Variants in IGF2BP3 observed in about 807,000 individuals in gnomAD.
The protein encoded by IGF2BP3 is insulin-like growth factor 2 mRNA-binding protein 3.
IGF2BP3 carries 9 observed loss-of-function variants against 73.8 expected under a neutral mutation model. That is an observed-to-expected ratio of 0.12 (90% CI 0.07 to 0.21). The LOEUF (loss-of-function observed/expected upper bound fraction) is 0.21, where lower values mean the gene tolerates loss of function less well. IGF2BP3 is among the 10% of genes least tolerant of loss of function. The pLI is 1.00. For synonymous variants in IGF2BP3, 258 were observed against 256.7 expected (o/e 1.01, Z -0.05); for missense variants, 542 against 714.0 (o/e 0.76, Z 2.75).
At chr7:23,390,831 C>G (rs1261882824) in intron 3 of IGF2BP3, among the ~76,000 whole-genome samples, 1 of 149,024 alleles carries the variant, frequency 6.7e-6, no homozygotes, top group Non-Finnish European at 1.5e-5. Context: ...CAGAGTCTCG[C>G]TCTGTTGCCC....
intron 3 of IGF2BP3, among the ~76,000 whole-genome samples, chr7:23,389,902 G>C (rs1786216883): frequency 6.6e-6 from 1 of 151,946 alleles, no homozygotes; most frequent in Non-Finnish European, 1.5e-5. Context: ...TGGGAGACTG[G>C]GAGGTCAAGG....
chr7:23,317,114 A>G (rs1034950104), intron 12 of IGF2BP3, among the ~76,000 whole-genome samples: 2 of 152,210 alleles, frequency 1.3e-5, no homozygotes, highest in Non-Finnish European at 2.9e-5. Context: ...CTGCAGCCCC[A>G]AAGACCTCAA....
intron 3 of IGF2BP3, among the ~76,000 whole-genome samples, chr7:23,404,763 GTGGGGGTGGGGA>G (rs1786776636): frequency 6.6e-6 from 1 of 151,296 alleles, no homozygotes; most frequent in Non-Finnish European, 1.5e-5. Context: ...CAAGTGGGGG[GTGGGGGTGGGGA>G]TGGCCTTAGT....
chr7:23,418,071 T>C (rs1182037081), intron 3 of IGF2BP3, among the ~76,000 whole-genome samples: 1 of 152,198 alleles, frequency 6.6e-6, no homozygotes, highest in Non-Finnish European at 1.5e-5. Flanking sequence ...CAAATGTCAT[T>C]TTAGAAGACT....
intron 3 of IGF2BP3, among the ~76,000 whole-genome samples, chr7:23,394,359 C>T (rs1466280995): frequency 6.6e-6 from 1 of 151,986 alleles, no homozygotes; most frequent in Non-Finnish European, 1.5e-5. Context: ...CCCAGCTACT[C>T]GGGAAGCTGA....
intron 7 of IGF2BP3, 22 bp downstream of exon 7, chr7:23,347,578 C>A: frequency 6.2e-7 from 1 of 1,604,864 alleles, no homozygotes; most frequent in Non-Finnish European, 8.5e-7. Context: ...ACCTCTTTCA[C>A]AGGACAATCT....
chr7:23,462,405 A>C (rs1247770252), intron 2 of IGF2BP3, among the ~76,000 whole-genome samples: 1 of 149,170 alleles, frequency 6.7e-6, no homozygotes, highest in Non-Finnish European at 1.5e-5. Flanking sequence ...TCTGTCACCC[A>C]GGCTGGAGTG....
intron 9 of IGF2BP3, among the ~76,000 whole-genome samples, chr7:23,342,533 T>C (rs116359805): frequency 1.3e-5 from 2 of 152,088 alleles, no homozygotes. Flanking sequence ...AAGCAATGTA[T>C]CAGAGTTGAA....
At chr7:23,429,511 A>G (rs1471756818) in intron 2 of IGF2BP3, among the ~76,000 whole-genome samples, 2 of 152,210 alleles carry the variant, frequency 1.3e-5, no homozygotes, top group African/African-American at 4.8e-5. Flanking sequence ...TTTCACTTAT[A>G]ATCCAACCAA....
intron 2 of IGF2BP3, among the ~76,000 whole-genome samples, chr7:23,459,512 T>A (rs1170416734): frequency 6.6e-6 from 1 of 152,178 alleles, no homozygotes; most frequent in Non-Finnish European, 1.5e-5. Flanking sequence ...GCTTGTCAAA[T>A]CACGCATTTA....
rs1487894155 is a variant in IGF2BP3 at position 23,442,732 on chromosome 7, A to G, written c.237-23908T>C. Among the ~76,000 whole-genome samples, 13 of 152,250 alleles carry G rather than the reference A, an allele frequency of 8.5e-5. No individual in the cohort carries two copies. In the East Asian group the frequency reaches 2.3e-3, roughly 27 times the overall value. ...CATTTTTAAAATAACAAGAAATAAC[A>G]TATTATAATCAGACTTTGCATATAC... On this transcript the variant is annotated intron_variant, in intron 2 of 14. Coordinates refer to ENST00000258729, the MANE Select transcript of IGF2BP3 (RefSeq NM_006547.3).
intron 3 of IGF2BP3, among the ~76,000 whole-genome samples, chr7:23,402,948 T>C (rs939018784): frequency 6.6e-6 from 1 of 152,220 alleles, no homozygotes; most frequent in Admixed American, 6.5e-5. Flanking sequence ...AAGAGTCTTT[T>C]ACTAATATTT....
chr7:23,385,159 G>A (rs1786042366), intron 3 of IGF2BP3, among the ~76,000 whole-genome samples: 1 of 152,092 alleles, frequency 6.6e-6, no homozygotes, highest in South Asian at 2.1e-4. Context: ...TGACCTTTTT[G>A]CCTCCCTTTA....
At chr7:23,394,365 G>A (rs1786381660) in intron 3 of IGF2BP3, among the ~76,000 whole-genome samples, 1 of 152,170 alleles carries the variant, frequency 6.6e-6, no homozygotes, top group South Asian at 2.1e-4. Flanking sequence ...TACTCGGGAA[G>A]CTGAGGTAGC....
chr7:23,337,167 C>A (rs961884342), intron 10 of IGF2BP3, among the ~76,000 whole-genome samples: 3 of 151,896 alleles, frequency 2.0e-5, no homozygotes, highest in South Asian at 4.2e-4. Context: ...AACCACCCCC[C>A]ACCCCCTGCA....
rs543388829 is a variant in IGF2BP3 at position 23,436,052 on chromosome 7, G to C, written c.237-17228C>G. ...GAGAACAGGCATGAGCCACATGCCC[G>C]GCCAACATCTAAATTTTTTAACAAA... On this transcript the variant is annotated intron_variant, in intron 2 of 14. Coordinates refer to ENST00000258729, the MANE Select transcript of IGF2BP3 (RefSeq NM_006547.3). Among the ~76,000 whole-genome samples, 3 of 152,244 alleles carry C rather than the reference G, an allele frequency of 2.0e-5. No homozygotes were observed. In the East Asian group the frequency reaches 5.8e-4, roughly 29 times the overall value.
In IGF2BP3 at chr7:23,466,490, TAAAAATGAACTTG is replaced by T. The variant is rs958901942; in HGVS notation, c.236+1979_236+1991del. 9.2e-5 allele frequency among the ~76,000 whole-genome samples: 14 copies of T among 152,376 alleles called. No homozygotes were observed. The East Asian group carries it at 1.3e-3, about 15-fold the overall frequency. On this transcript the variant is annotated intron_variant, in intron 2 of 14. Transcript: ENST00000258729. ...AACTTGAAAATTCAATTTACATTGT[TAAAAATGAACTTG>T]AAAAATGAACTTGAAAATTTAAATC...
intron 2 of IGF2BP3, 57 bp from the exon 3 acceptor site, chr7:23,418,881 T>C (rs532816028): frequency 2.7e-6 from 3 of 1,097,088 alleles, no homozygotes; most frequent in South Asian, 1.5e-5. Context: ...AAAACAATAA[T>C]AGCCAACATG....
At chr7:23,403,100 A>G (rs1267928479) in intron 3 of IGF2BP3, among the ~76,000 whole-genome samples, 6 of 152,218 alleles carry the variant, frequency 3.9e-5, no homozygotes, top group Non-Finnish European at 7.3e-5. Flanking sequence ...ATCTGACCCT[A>G]TAACCTGACA....
Sources: allele counts gnomAD v4.1 joint callset (sites outside exome capture counted in the v4.1 genomes callset), GRCh38; gene constraint gnomAD v4.1.1; transcripts MANE v1.5; gene names NCBI Gene and HGNC (gene_info 2026-07-23, HGNC 2026-07-21).